Variants in MAD1L1 observed in about 807,000 individuals in gnomAD.
MAD1L1 encodes the protein mitotic arrest deficient 1 like 1.
MAD1L1 carries 95 observed loss-of-function variants against 96.9 expected under a neutral mutation model. The observed-to-expected ratio is 0.98, with a 90% CI of 0.83 to 1.16. The LOEUF (loss-of-function observed/expected upper bound fraction) is 1.16, where lower values mean the gene tolerates loss of function less well. Among genes scored for constraint, MAD1L1 ranks in the 50% most tolerant of loss-of-function variants. The pLI, the probability that MAD1L1 is intolerant of heterozygous loss-of-function variation, is 0.00. For synonymous variants in MAD1L1, 473 were observed against 396.6 expected (o/e 1.19, Z -2.29); for missense variants, 1,007 against 954.4 (o/e 1.06, Z -0.73).
At chr7:1,842,321 GCCCTGTGGAAA>G (rs1407928759) in intron 18 of MAD1L1, among the ~76,000 whole-genome samples, 3 of 152,066 alleles carry the variant, frequency 2.0e-5, no homozygotes, top group Non-Finnish European at 4.4e-5. Flanking sequence ...AGCCCCCGTG[GCCCTGTGGAAA>G]CCCAGCAGCT....
chr7:2,223,922 T>C (rs1010256727), intron 4 of MAD1L1, among the ~76,000 whole-genome samples: 2 of 152,198 alleles, frequency 1.3e-5, no homozygotes, highest in Non-Finnish European at 2.9e-5. Flanking sequence ...TGGGGTCCCA[T>C]GCAGCTGTGT....
chr7:1,948,552 T>C (rs1340573312), intron 16 of MAD1L1, among the ~76,000 whole-genome samples: 1 of 152,154 alleles, frequency 6.6e-6, no homozygotes. Context: ...GAGACCCTGC[T>C]GGGCAGCTCC....
At chr7:1,969,679 C>T (rs980783946) in intron 15 of MAD1L1, among the ~76,000 whole-genome samples, 2 of 152,170 alleles carry the variant, frequency 1.3e-5, no homozygotes, top group Admixed American at 1.3e-4. Flanking sequence ...TTGCAAAATA[C>T]AAAGTCAACA....
chr7:1,940,080 A>G (rs1296756588), intron 16 of MAD1L1: 1 of 152,340 alleles, frequency 6.6e-6, no homozygotes, highest in African/African-American at 2.4e-5. Context: ...GGAGATGGAC[A>G]TGCTGACCTG....
intron 11 of MAD1L1, among the ~76,000 whole-genome samples, chr7:2,145,091 G>A (rs572792559): frequency 7.9e-5 from 12 of 152,140 alleles, no homozygotes; most frequent in African/African-American, 9.6e-5. Flanking sequence ...AGGCTGCCCC[G>A]CTGCCCACTG....
chr7:2,133,235 A>G (rs1189201562), intron 11 of MAD1L1, among the ~76,000 whole-genome samples: 2 of 146,552 alleles, frequency 1.4e-5, no homozygotes, highest in Non-Finnish European at 3.0e-5. Context: ...GCATCTCCTC[A>G]TGTGCTTCTC....
At position 2,074,297 on chromosome 7, in the gene MAD1L1, C is replaced by T. The variant is rs540248035; in HGVS notation, c.1074-4959G>A. Among the ~76,000 whole-genome samples, 60 of 152,224 alleles carry T rather than the reference C, an allele frequency of 3.9e-4. 1 individual carries two copies. The South Asian group carries it at 0.011, about 28-fold the overall frequency. On this transcript the variant is annotated intron_variant, in intron 11 of 18. Transcript: ENST00000265854. Reference sequence around the variant, plus strand: ...CGGCGGGTGCAGGTACTGAGGTCACCGAGAGCAGAAGGAAGACCCTCAGGC... The same window carrying T: ...CGGCGGGTGCAGGTACTGAGGTCACTGAGAGCAGAAGGAAGACCCTCAGGC...
chr7:1,919,470 C>T (rs1277406157), intron 17 of MAD1L1, among the ~76,000 whole-genome samples: 1 of 152,234 alleles, frequency 6.6e-6, no homozygotes, highest in African/African-American at 2.4e-5. Context: ...TGGGGACCTA[C>T]CACACAAAGG....
At chr7:1,935,493 G>T (rs1024966534) in intron 17 of MAD1L1, among the ~76,000 whole-genome samples, 1 of 152,204 alleles carries the variant, frequency 6.6e-6, no homozygotes, top group Non-Finnish European at 1.5e-5. Flanking sequence ...CCGGCAGGGT[G>T]CGCCCAGACT....
intron 14 of MAD1L1, among the ~76,000 whole-genome samples, chr7:2,001,636 G>A (rs370388758): frequency 6.6e-6 from 1 of 152,376 alleles, no homozygotes; most frequent in African/African-American, 2.4e-5. Flanking sequence ...GACCCATGCT[G>A]AGTGGCGCCC....
At chr7:2,163,443 G>A (rs565567808) in intron 10 of MAD1L1, among the ~76,000 whole-genome samples, 4 of 152,024 alleles carry the variant, frequency 2.6e-5, no homozygotes, top group African/African-American at 4.8e-5. Context: ...GCACAATCTC[G>A]GCTCACTGCA....
intron 16 of MAD1L1, among the ~76,000 whole-genome samples, chr7:1,941,702 C>T (rs1779007705): frequency 6.6e-6 from 1 of 152,248 alleles, no homozygotes; most frequent in Non-Finnish European, 1.5e-5. Context: ...GGCCCGGCTT[C>T]CACCTGCAGC....
At chr7:2,024,322 A>G (rs375045235) in intron 12 of MAD1L1, among the ~76,000 whole-genome samples, 41 of 152,302 alleles carry the variant, frequency 2.7e-4, no homozygotes, top group African/African-American at 8.9e-4. Context: ...GATCACATGA[A>G]TCGGTCTTTC....
chr7:1,972,079 C>T (rs1237650571), intron 15 of MAD1L1, among the ~76,000 whole-genome samples: 3 of 152,154 alleles, frequency 2.0e-5, no homozygotes, highest in Non-Finnish European at 4.4e-5. Flanking sequence ...AGAGACTGCT[C>T]GCCTGCCGCC....
intron 13 of MAD1L1, among the ~76,000 whole-genome samples, chr7:2,008,989 GA>G (rs1419890010): frequency 6.6e-6 from 1 of 152,208 alleles, no homozygotes; most frequent in East Asian, 1.9e-4. Flanking sequence ...CACATGGCGG[GA>G]AAACCAGTAC....
chr7:2,102,431 ACCC>A (rs1786854321), intron 11 of MAD1L1, among the ~76,000 whole-genome samples: 1 of 139,158 alleles, frequency 7.2e-6, no homozygotes, highest in Non-Finnish European at 1.6e-5. Context: ...CACCACTGTC[ACCC>A]TCACCACCAC....
Position 1,906,359 on chromosome 7 carries a change from G to A in MAD1L1, c.1808-7969C>T, listed in dbSNP as rs564322013. On this transcript the variant is annotated intron_variant, in intron 17 of 18. Transcript: ENST00000265854. ...ACAGCAAGACTTGAGCTGAGGCAGG[G>A]CTCTCTCCTGGGATATTCATGCCCT... Among the ~76,000 whole-genome samples the A allele has an allele frequency of 2.1e-4, 32 of 152,328 alleles. 1 individual carries two copies. In the East Asian group the frequency reaches 6.0e-3, roughly 28 times the overall value.
At chr7:1,977,394 G>A (rs115051559) in intron 15 of MAD1L1, among the ~76,000 whole-genome samples, 286 of 152,360 alleles carry the variant, frequency 1.9e-3, no homozygotes, top group African/African-American at 6.5e-3. Context: ...CGGCAACGCT[G>A]GCCAGCTGCT....
Position 2,139,543 on chromosome 7 carries a change from AC to A in MAD1L1, c.1073+9608del, listed in dbSNP as rs370186691. 1.7e-4 allele frequency among the ~76,000 whole-genome samples: 26 copies of A among 151,974 alleles called. No individual in the cohort carries two copies. The East Asian group carries it at 4.9e-3, about 28-fold the overall frequency. ...ACCCTGAGAGTATGGAAAATACAAC[AC>A]TCATGCTGGGAGAAGCTGCCAGGGG... On this transcript the variant is annotated intron_variant, in intron 11 of 18. Transcript: ENST00000265854.
Sources: allele counts gnomAD v4.1 joint callset (sites outside exome capture counted in the v4.1 genomes callset), GRCh38; gene constraint gnomAD v4.1.1; transcripts MANE v1.5; gene names NCBI Gene and HGNC (gene_info 2026-07-23, HGNC 2026-07-21).